The following ZNF532 variants were observed in gnomAD, a reference collection of about 807,000 sequenced individuals.
The protein encoded by ZNF532 is zinc finger protein 532.
In ZNF532, 22 loss-of-function variants were observed where a neutral mutation model predicts 89.3. The observed-to-expected ratio is 0.25, with a 90% confidence interval of 0.18 to 0.35. The LOEUF is 0.35. ZNF532 is among the 10% of genes least tolerant of loss of function. ZNF532 has a pLI of 1.00. For missense variants in ZNF532, 1,132 were observed against 1,643.4 expected (o/e 0.69, Z 5.38); for synonymous variants, 606 against 649.6 (o/e 0.93, Z 1.02).
In ZNF532 at chr18:58,918,918, A is replaced by C. The variant is rs1345772735; in HGVS notation, c.631A>C (p.Asn211His). 2 of 1,613,862 alleles carry C rather than the reference A, an allele frequency of 1.2e-6. No individual in the cohort carries two copies. The highest frequency in any genetic ancestry group is 2.7e-5 in the African/African-American group (2 of 74,842). The change falls in exon 3 of 10, where the codon AAC (asparagine) becomes CAC (histidine). Residue 211 changes from asparagine (N) to histidine (H), a missense_variant. Around this residue, in one of 9 missense-constraint regions of ZNF532, gnomAD observed 302 missense variants for 319.8 expected, o/e 0.94. Coordinates refer to ENST00000591808, the MANE Select transcript of ZNF532 (RefSeq NM_001375912.1). ...VKRETEASSINLSVYEPFKVR... is the reference protein window; with the variant it reads ...VKRETEASSIHLSVYEPFKVR... The stretch of plus-strand genomic sequence containing the variant: ...GAGAGAAACAGAAGCCAGTTCTATA[A>C]ACCTGAGTGTTTATGAACCTTTTAA...
chr18:58,956,302 A>G (rs2064769349), intron 7 of ZNF532, among the ~76,000 whole-genome samples: 1 of 152,196 alleles, frequency 6.6e-6, no homozygotes, highest in African/African-American at 2.4e-5. Flanking sequence ...ATTGGCTTTG[A>G]AGGAGTTGAG....
chr18:58,882,740 C>G (rs2058022968), intron 2 of ZNF532, among the ~76,000 whole-genome samples: 1 of 152,216 alleles, frequency 6.6e-6, no homozygotes, highest in South Asian at 2.1e-4. Context: ...GACACCATCC[C>G]CAGTCTCCAA....
Position 58,865,495 on chromosome 18 carries a change from C to T in ZNF532, c.-102C>T, listed in dbSNP as rs192140399. On this transcript the variant is annotated 5_prime_UTR_variant, in exon 2 of 10. Coordinates refer to ENST00000591808, the MANE Select transcript of ZNF532 (RefSeq NM_001375912.1). ...GCCTGTTGACTGGGGCTGCTTTTAA[C>T]CCTTTCCTATTTGCTGAGAATGCAG... 1 of 153,048 alleles carries T rather than the reference C, an allele frequency of 6.5e-6. No individual in the cohort carries two copies. The highest frequency in any genetic ancestry group is 1.5e-5 in the Non-Finnish European group (1 of 68,114). 9.5% of individuals were successfully genotyped at this position (153,048 alleles called of 1,614,324 possible).
At chr18:58,877,579 T>A (rs746838321) in intron 2 of ZNF532, among the ~76,000 whole-genome samples, 3 of 152,234 alleles carry the variant, frequency 2.0e-5, no homozygotes, top group Non-Finnish European at 2.9e-5. Flanking sequence ...GAAATTTAGA[T>A]CTTACTGGAC....
intron 3 of ZNF532, among the ~76,000 whole-genome samples, chr18:58,929,153 C>A (rs1437372665): frequency 6.6e-6 from 1 of 152,172 alleles, no homozygotes; most frequent in African/African-American, 2.4e-5. Flanking sequence ...CTGGTTCATT[C>A]TTTCTGCTTC....
At chr18:58,902,167 C>G (rs1008785189) in intron 2 of ZNF532, among the ~76,000 whole-genome samples, 2 of 152,046 alleles carry the variant, frequency 1.3e-5, no homozygotes, top group African/African-American at 4.8e-5. Flanking sequence ...GTCTGTGAGC[C>G]CGGCCCTGTG....
chr18:58,876,634 T>C (rs1013560761), intron 2 of ZNF532, among the ~76,000 whole-genome samples: 1 of 152,222 alleles, frequency 6.6e-6, no homozygotes, highest in Non-Finnish European at 1.5e-5. Context: ...CCTTTGATAT[T>C]GTGATCCCTT....
At position 58,948,249 on chromosome 18, in the gene ZNF532, C is replaced by G. The variant is rs371912725; in HGVS notation, c.2868+20C>G. On this transcript the variant is annotated intron_variant, in intron 6 of 9. Coordinates refer to ENST00000591808, the MANE Select transcript of ZNF532 (RefSeq NM_001375912.1). ...ATCAAGGTGTGTGTGCATCTATCCTCTACTTTAAATGAATTGCAGATCCAT... is the reference window on the plus strand; with the variant it reads ...ATCAAGGTGTGTGTGCATCTATCCTGTACTTTAAATGAATTGCAGATCCAT... 1.0e-5 allele frequency: 16 copies of G among 1,586,636 alleles called. No homozygotes were observed. The highest frequency in any genetic ancestry group is 2.3e-5 in the East Asian group (1 of 44,058).
chr18:58,932,880 G>T (rs930235367), intron 3 of ZNF532, among the ~76,000 whole-genome samples: 4 of 152,016 alleles, frequency 2.6e-5, no homozygotes, highest in Non-Finnish European at 4.4e-5. Flanking sequence ...ATGTATGTAT[G>T]TATATAAATG....
At chr18:58,893,062 G>T (rs935959597) in intron 2 of ZNF532, among the ~76,000 whole-genome samples, 1 of 148,944 alleles carries the variant, frequency 6.7e-6, no homozygotes, top group Non-Finnish European at 1.5e-5. Flanking sequence ...GCTCACTGCA[G>T]CCTCACCCTC....
At chr18:58,894,892 T>A (rs1232298772) in intron 2 of ZNF532, among the ~76,000 whole-genome samples, 1 of 152,196 alleles carries the variant, frequency 6.6e-6, no homozygotes, top group Non-Finnish European at 1.5e-5. Context: ...CATGGGAGGC[T>A]AAGGCAGGAG....
intron 2 of ZNF532, among the ~76,000 whole-genome samples, chr18:58,866,662 C>T (rs760837606): frequency 2.6e-5 from 4 of 152,230 alleles, no homozygotes; most frequent in Non-Finnish European, 5.9e-5. Flanking sequence ...TCAGCAGTGC[C>T]GAGGATCTTG....
intron 2 of ZNF532, among the ~76,000 whole-genome samples, chr18:58,909,680 A>G (rs185343536): frequency 1.3e-5 from 2 of 152,314 alleles, no homozygotes; most frequent in East Asian, 3.9e-4. Flanking sequence ...ATTAGCAGCA[A>G]AAACAGGCAC....
In ZNF532 at chr18:58,940,641, T is replaced by C. The variant is rs139418264; in HGVS notation, c.2705+1020T>C. The stretch of plus-strand genomic sequence containing the variant: ...CTGCTTAAGTGAGGATGAGATGAGA[T>C]GATGTATTTAAAATGTGTAGCACAA... On this transcript the variant is annotated intron_variant, in intron 5 of 9. Coordinates refer to ENST00000591808, the MANE Select transcript of ZNF532 (RefSeq NM_001375912.1). Among the ~76,000 whole-genome samples, 677 of 152,206 alleles carry C rather than the reference T, an allele frequency of 4.4e-3. 6 individuals carry two copies. The highest frequency in any genetic ancestry group is 7.1e-3 in the Non-Finnish European group (484 of 68,014).
chr18:58,884,997 T>C (rs2145088133), intron 2 of ZNF532, among the ~76,000 whole-genome samples: 1 of 150,758 alleles, frequency 6.6e-6, no homozygotes. Context: ...TTTTTTTTCT[T>C]TTTTTTTTGA....
At chr18:58,888,897 A>G (rs1353877201) in intron 2 of ZNF532, among the ~76,000 whole-genome samples, 1 of 77,528 alleles carries the variant, frequency 1.3e-5, no homozygotes, top group African/African-American at 4.8e-5. Flanking sequence ...TATTTTATAT[A>G]TATATATATA....
intron 3 of ZNF532, among the ~76,000 whole-genome samples, chr18:58,927,775 A>T (rs1213756681): frequency 6.6e-6 from 1 of 152,152 alleles, no homozygotes; most frequent in Non-Finnish European, 1.5e-5. Context: ...GTGTAATTGC[A>T]TTATTGTGCT....
chr18:58,888,790 A>T (rs59593144), intron 2 of ZNF532, among the ~76,000 whole-genome samples: 698 of 38,720 alleles, frequency 0.018, 50 homozygotes, highest in East Asian at 0.16. Flanking sequence ...TATATAAAAT[A>T]TATATAATTT....
At chr18:58,914,835 C>G (rs1488385905) in intron 2 of ZNF532, among the ~76,000 whole-genome samples, 3 of 152,094 alleles carry the variant, frequency 2.0e-5, no homozygotes, top group Non-Finnish European at 4.4e-5. Context: ...TGAGATCGTT[C>G]TATTTTATCT....
Sources: gnomAD v4.1 joint callset for allele counts (sites outside exome capture counted in the v4.1 genomes callset) on GRCh38, gnomAD v4.1.1 for gene constraint, gnomAD v4.1.1 regional missense constraint, MANE v1.5 for transcripts, NCBI Gene and HGNC (gene_info 2026-07-23, HGNC 2026-07-21) for gene names.